Variants in PPARD observed in about 807,000 individuals in gnomAD.
PPARD encodes peroxisome proliferator-activated receptor delta.
In PPARD, 6 loss-of-function variants were observed where a neutral mutation model predicts 39.5. The observed-to-expected ratio is 0.15, with a 90% CI of 0.08 to 0.30. PPARD has a LOEUF of 0.30. Ranked by LOEUF, PPARD falls within the 10% of genes least tolerant of loss-of-function variation. PPARD has a pLI of 1.00. For missense variants in PPARD, 397 were observed against 596.8 expected (o/e 0.67, Z 3.49); for synonymous variants, 210 against 231.3 (o/e 0.91, Z 0.83).
At chr6:35,396,145 A>G (rs1764299013) in intron 2 of PPARD, among the ~76,000 whole-genome samples, 1 of 151,596 alleles carries the variant, frequency 6.6e-6, no homozygotes, top group Admixed American at 6.6e-5. Flanking sequence ...CCTACCTAGG[A>G]CACCCTACCC....
At chr6:35,381,263 A>C (rs1233559882) in intron 2 of PPARD, among the ~76,000 whole-genome samples, 3 of 152,142 alleles carry the variant, frequency 2.0e-5, no homozygotes, top group Admixed American at 6.5e-5. Context: ...CGTAATGACA[A>C]ATTATCGTTA....
At chr6:35,348,669 T>TGAGTC in intron 2 of PPARD, 1 of 985,378 alleles carries the variant, frequency 1.0e-6, no homozygotes, top group Non-Finnish European at 1.2e-6. Context: ...GACAGGGTGG[T>TGAGTC]GAGTCCCTGT....
At chr6:35,361,193 G>T (rs910037912) in intron 2 of PPARD, among the ~76,000 whole-genome samples, 6 of 152,306 alleles carry the variant, frequency 3.9e-5, no homozygotes, top group Admixed American at 3.9e-4. Context: ...TGGCATGGGG[G>T]TGATAACTGT....
chr6:35,379,619 G>A (rs1763023740), intron 2 of PPARD, among the ~76,000 whole-genome samples: 1 of 152,250 alleles, frequency 6.6e-6, no homozygotes, highest in Non-Finnish European at 1.5e-5. Context: ...GCTGCAACCA[G>A]TGGTGCCCAA....
chr6:35,380,470 TTGTTTG>T (rs1562190291), intron 2 of PPARD, among the ~76,000 whole-genome samples: 20 of 103,742 alleles, frequency 1.9e-4, no homozygotes, highest in African/African-American at 1.3e-3. Context: ...TTTTTTTTTT[TTGTTTG>T]TTTTTTTTTT....
intron 2 of PPARD, among the ~76,000 whole-genome samples, chr6:35,374,316 G>GGC (rs1554205524): frequency 1.3e-5 from 2 of 150,118 alleles, no homozygotes; most frequent in African/African-American, 5.0e-5. Flanking sequence ...GGTGGGGCGG[G>GGC]GGGGTTTAGT....
intron 2 of PPARD, among the ~76,000 whole-genome samples, chr6:35,350,213 C>T (rs1466825458): frequency 2.0e-5 from 3 of 152,124 alleles, no homozygotes; most frequent in African/African-American, 7.2e-5. Context: ...GTTGTCTCTT[C>T]ACTTTGTTGA....
At chr6:35,390,610 A>C (rs956592584) in intron 2 of PPARD, among the ~76,000 whole-genome samples, 7 of 152,206 alleles carry the variant, frequency 4.6e-5, no homozygotes, top group African/African-American at 1.7e-4. Context: ...TTTTTAAATA[A>C]GGAGTGGTCA....
At position 35,420,050 on chromosome 6, in the gene PPARD, G is replaced by A. The variant is rs915143140; in HGVS notation, c.131-77G>A. Reference sequence around the variant, plus strand: ...ACAGCTGTTAAGTGGCTGAGGCGAGGGCTGTGGGGCTGTTCCCACGCCCTG... The same window carrying A: ...ACAGCTGTTAAGTGGCTGAGGCGAGAGCTGTGGGGCTGTTCCCACGCCCTG... On this transcript the variant is annotated intron_variant, in intron 3 of 7. Transcript: ENST00000360694. The A allele has an allele frequency of 1.0e-5, 16 of 1,530,230 alleles. No individual in the cohort carries two copies. The African/African-American group carries it at 1.4e-4, about 13-fold the overall frequency. The allele number at this position is 1,530,230 out of a possible 1,614,324, so 94.8% of individuals were successfully genotyped here.
chr6:35,418,023 C>T (rs1484479948), intron 3 of PPARD, among the ~76,000 whole-genome samples: 2 of 152,068 alleles, frequency 1.3e-5, no homozygotes, highest in African/African-American at 2.4e-5. Context: ...AAAGGCACCT[C>T]CAGGAGGTGT....
chr6:35,344,483 G>A (rs1269563725), intron 1 of PPARD, among the ~76,000 whole-genome samples: 1 of 151,924 alleles, frequency 6.6e-6, no homozygotes, highest in Non-Finnish European at 1.5e-5. Flanking sequence ...CCAAGCAGAA[G>A]ATTCTCGTCA....
At position 35,395,745 on chromosome 6, in the gene PPARD, C is replaced by T. The variant is rs77705411; in HGVS notation, c.-101-15242C>T. 6.5e-4 allele frequency among the ~76,000 whole-genome samples: 99 copies of T among 152,230 alleles called. No individual in the cohort carries two copies. In the East Asian group the frequency reaches 0.014, roughly 22 times the overall value. Reference sequence around the variant, plus strand: ...TAGCATTAGAGTTCAGGAATAGTAGCGAGAGGCAGTACAGTAGAGTGGTTA... The same window carrying T: ...TAGCATTAGAGTTCAGGAATAGTAGTGAGAGGCAGTACAGTAGAGTGGTTA... On this transcript the variant is annotated intron_variant, in intron 2 of 7. Coordinates refer to ENST00000360694, the MANE Select transcript of PPARD (RefSeq NM_006238.5).
chr6:35,383,567 T>C (rs1246579643), intron 2 of PPARD, among the ~76,000 whole-genome samples: 3 of 135,266 alleles, frequency 2.2e-5, no homozygotes, highest in South Asian at 4.7e-4. Context: ...CCGGCCGCCA[T>C]CCCATCTAGG....
At chr6:35,358,833 G>A (rs887658661) in intron 2 of PPARD, among the ~76,000 whole-genome samples, 1 of 152,132 alleles carries the variant, frequency 6.6e-6, no homozygotes, top group Non-Finnish European at 1.5e-5. Context: ...TACCTCCTAT[G>A]TGCTAGGCAC....
chr6:35,383,160 G>A (rs1411592059), intron 2 of PPARD, among the ~76,000 whole-genome samples: 1 of 152,200 alleles, frequency 6.6e-6, no homozygotes, highest in African/African-American at 2.4e-5. Context: ...ATGGATACCT[G>A]AGTGGTGAGG....
intron 2 of PPARD, among the ~76,000 whole-genome samples, chr6:35,380,322 A>G (rs1437711127): frequency 1.3e-5 from 2 of 152,144 alleles, no homozygotes; most frequent in African/African-American, 4.8e-5. Context: ...CCGTGGTTCC[A>G]CATCTCACAG....
intron 3 of PPARD, among the ~76,000 whole-genome samples, chr6:35,419,444 C>A (rs1010549702): frequency 2.0e-5 from 3 of 152,186 alleles, no homozygotes; most frequent in African/African-American, 7.2e-5. Flanking sequence ...ACACTCAACA[C>A]CCCGTGGTTC....
At chr6:35,353,482 A>G (rs1761383312) in intron 2 of PPARD, among the ~76,000 whole-genome samples, 1 of 152,238 alleles carries the variant, frequency 6.6e-6, no homozygotes, top group Admixed American at 6.5e-5. Context: ...AAGAGTTCAC[A>G]AACTTTAGAA....
chr6:35,394,776 C>G lies in PPARD; in HGVS notation c.-101-16211C>G, dbSNP rs550321501. Among the ~76,000 whole-genome samples the G allele has an allele frequency of 4.5e-3, 671 of 149,224 alleles. 5 individuals are homozygous for G. Among genetic ancestry groups the G allele is most frequent in the Middle Eastern group, 0.028 (8 of 290 alleles). ...ACAGAGTGAGACCCTGTCTCCCCGCCCCCCCCACCAAAAAAAAAAAAAATC... is the reference window on the plus strand; with the variant it reads ...ACAGAGTGAGACCCTGTCTCCCCGCGCCCCCCACCAAAAAAAAAAAAAATC... On this transcript the variant is annotated intron_variant, in intron 2 of 7. Transcript: ENST00000360694.
Sources: allele counts gnomAD v4.1 joint callset (sites outside exome capture counted in the v4.1 genomes callset), GRCh38; gene constraint gnomAD v4.1.1; transcripts MANE v1.5; gene names NCBI Gene and HGNC (gene_info 2026-07-23, HGNC 2026-07-21).